The following TMC2 variants were observed in gnomAD, a reference collection of about 807,000 sequenced individuals.
The protein encoded by TMC2 is transmembrane channel like 2, also known as transmembrane channel-like protein 2.
In TMC2, 102 loss-of-function variants were observed where a neutral mutation model predicts 105.9. That is an observed-to-expected ratio of 0.96 (90% confidence interval 0.82 to 1.14). TMC2 has a LOEUF of 1.14. Among genes scored for constraint, TMC2 ranks in the 50% most tolerant of loss-of-function variants. TMC2 has a pLI of 0.00. For missense variants in TMC2, 1,093 were observed against 1,134.3 expected (o/e 0.96, Z 0.52); for synonymous variants, 402 against 422.8 (o/e 0.95, Z 0.60).
chr20:2,638,637 G>A (rs535034354), intron 19 of TMC2, among the ~76,000 whole-genome samples: 120 of 152,208 alleles, frequency 7.9e-4, no homozygotes, highest in African/African-American at 2.9e-3. Flanking sequence ...TGTGGAGGTG[G>A]AAGACAGTGA....
At chr20:2,624,817 GC>G (rs1431133240) in intron 17 of TMC2, among the ~76,000 whole-genome samples, 1 of 152,178 alleles carries the variant, frequency 6.6e-6, no homozygotes, top group African/African-American at 2.4e-5. Context: ...ATTTGGGTGA[GC>G]CCTGACAGTA....
chr20:2,545,887 G>T (rs1473212340), intron 2 of TMC2, among the ~76,000 whole-genome samples: 2 of 128,428 alleles, frequency 1.6e-5, no homozygotes, highest in East Asian at 4.6e-4. Context: ...GAAAAAGAAA[G>T]AAATGAAAGA....
intron 2 of TMC2, among the ~76,000 whole-genome samples, chr20:2,555,529 A>G (rs2085980443): frequency 6.6e-6 from 1 of 152,074 alleles, no homozygotes; most frequent in Non-Finnish European, 1.5e-5. Flanking sequence ...GTCTGTTTAT[A>G]TTTAAAGTGG....
At chr20:2,550,176 C>A (rs1310452717) in intron 2 of TMC2, among the ~76,000 whole-genome samples, 4 of 118,952 alleles carry the variant, frequency 3.4e-5, no homozygotes, top group African/African-American at 1.4e-4. Context: ...CAGAGCCAGA[C>A]TCTGTCTCAA....
At chr20:2,632,960 C>T (rs113218623) in intron 17 of TMC2, among the ~76,000 whole-genome samples, 18,002 of 148,556 alleles carry the variant, frequency 0.12, 1,215 homozygotes, top group Middle Eastern at 0.17. Flanking sequence ...AAATCAGGTT[C>T]GCCTCCCTTC....
chr20:2,561,771 T>C (rs1285616257), intron 3 of TMC2, 87 bp from the exon 4 acceptor site: 3 of 1,483,844 alleles, frequency 2.0e-6, no homozygotes, highest in Admixed American at 2.2e-5. Flanking sequence ...GGTGCCATCT[T>C]CCATGGGCCC....
At chr20:2,615,282 C>T (rs1341195106) in intron 14 of TMC2, among the ~76,000 whole-genome samples, 12 of 152,342 alleles carry the variant, frequency 7.9e-5, no homozygotes, top group African/African-American at 2.4e-4. Context: ...GATTGTGCCA[C>T]TGCACTCCAG....
chr20:2,596,160 G>A (rs1385103466), intron 9 of TMC2, among the ~76,000 whole-genome samples: 1 of 152,156 alleles, frequency 6.6e-6, no homozygotes, highest in Non-Finnish European at 1.5e-5. Context: ...GTATCTTATA[G>A]CACCCCTGTT....
chr20:2,571,869 T>C (rs1416255770), intron 4 of TMC2, among the ~76,000 whole-genome samples: 1 of 152,200 alleles, frequency 6.6e-6, no homozygotes, highest in East Asian at 1.9e-4. Context: ...AAATCAGTAA[T>C]CTTAACTACA....
intron 11 of TMC2, among the ~76,000 whole-genome samples, chr20:2,607,941 A>G (rs1014978208): frequency 3.3e-5 from 5 of 152,148 alleles, no homozygotes; most frequent in Admixed American, 6.5e-5. Flanking sequence ...CCTGGCCAAC[A>G]TGGTGAAACC....
At chr20:2,610,195 A>G (rs2086424828) in intron 11 of TMC2, among the ~76,000 whole-genome samples, 1 of 152,200 alleles carries the variant, frequency 6.6e-6, no homozygotes, top group African/African-American at 2.4e-5. Flanking sequence ...CCATTATAGC[A>G]TCTGGTCACA....
rs145984724 is a variant in TMC2 at position 2,626,557 on chromosome 20, T to C, written c.2306+2161T>C. 1.5e-4 allele frequency among the ~76,000 whole-genome samples: 23 copies of C among 152,374 alleles called. No individual in the cohort carries two copies. The East Asian group carries it at 4.2e-3, about 28-fold the overall frequency. On this transcript the variant is annotated intron_variant, in intron 17 of 19. Transcript: ENST00000358864. Reference sequence around the variant, plus strand: ...AGAGAAAGAAATATAGACTTATCTTTTGATGAGGCAATGACAAGATTCTAG... The same window carrying C: ...AGAGAAAGAAATATAGACTTATCTTCTGATGAGGCAATGACAAGATTCTAG...
chr20:2,574,740 G>GT (rs1396130580), intron 5 of TMC2, among the ~76,000 whole-genome samples: 4 of 151,384 alleles, frequency 2.6e-5, no homozygotes, highest in East Asian at 1.9e-4. Flanking sequence ...TTATTCCTTT[G>GT]TTTTTTTGTT....
Position 2,545,491 on chromosome 20 carries a change from C to T in TMC2, c.82+8175C>T, listed in dbSNP as rs1469359659. ...CTAGTTTGTGAGTAATAGGAGGCTT[C>T]TGTTCCTTATCCAGTATCTGTCACT... On this transcript the variant is annotated intron_variant, in intron 2 of 19. Transcript: ENST00000358864. Among the ~76,000 whole-genome samples, 4 of 152,268 alleles carry T rather than the reference C, an allele frequency of 2.6e-5. No individual in the cohort carries two copies. In the East Asian group the frequency reaches 5.8e-4, roughly 22 times the overall value.
At chr20:2,536,713 G>A (rs891540704) in intron 1 of TMC2, 58 bp downstream of exon 1, 18 of 1,538,396 alleles carry the variant, frequency 1.2e-5, no homozygotes, top group Non-Finnish European at 1.2e-5. Flanking sequence ...GCAGCAGCAG[G>A]GGATGGGGGA....
At position 2,636,009 on chromosome 20, in the gene TMC2, G is replaced by A; in HGVS notation, c.2385+5G>A. On this transcript the variant is annotated splice_donor_5th_base_variant and intron_variant, in intron 18 of 19. Transcript: ENST00000358864. ...CTGAGGAAGAAAATCCAAGTGGTGA[G>A]TCTGTTGGGAGTTTCATCCTGGACG... 1 of 1,613,208 alleles carries A rather than the reference G, an allele frequency of 6.2e-7. No individual in the cohort carries two copies. Among genetic ancestry groups the A allele is most frequent in the Non-Finnish European group, 8.5e-7 (1 of 1,179,160 alleles).
In TMC2 at chr20:2,617,125, T is replaced by C; in HGVS notation, c.1994T>C (p.Leu665Pro). Residue 665 changes from leucine (L) to proline (P), a missense_variant, in exon 16 of 20, where the codon CTG (leucine) becomes CCG (proline). Leu to Pro is a moderately conservative substitution (Grantham distance 98). Coordinates refer to ENST00000358864, the MANE Select transcript of TMC2 (RefSeq NM_080751.3). ...GLVGINVLRLLTSMYFQCWAV... is the reference protein window; with the variant it reads ...GLVGINVLRLPTSMYFQCWAV... ...GTGGGCATTAATGTGCTGCGCCTGC[T>C]GACCTCCATGTACTTCCAGTGCTGG... 6.2e-7 allele frequency: 1 copy of C among 1,614,246 alleles called. No individual in the cohort carries two copies. The highest frequency in any genetic ancestry group is 8.5e-7 in the Non-Finnish European group (1 of 1,180,048).
chr20:2,622,061 G>A (rs765453547), intron 16 of TMC2, among the ~76,000 whole-genome samples: 42 of 152,146 alleles, frequency 2.8e-4, no homozygotes, highest in Non-Finnish European at 4.4e-4. Context: ...ATGAAACATT[G>A]TCATACAGTG....
chr20:2,641,061 G>A lies in TMC2; in HGVS notation c.2504-73G>A, dbSNP rs776611633. 6.8e-4 allele frequency: 905 copies of A among 1,334,948 alleles called. 2 individuals carry two copies. Among genetic ancestry groups the A allele is most frequent in the Middle Eastern group, 1.1e-3 (6 of 5,456 alleles). 82.7% of individuals were successfully genotyped at this position (1,334,948 alleles called of 1,614,324 possible). Reference sequence around the variant, plus strand: ...CTAAAACCTACACACACCGCAGGGCGACTCCAGAGAGCTCCAATCCAACCT... The same window carrying A: ...CTAAAACCTACACACACCGCAGGGCAACTCCAGAGAGCTCCAATCCAACCT... On this transcript the variant is annotated intron_variant, in intron 19 of 19. Coordinates refer to ENST00000358864, the MANE Select transcript of TMC2 (RefSeq NM_080751.3).
Sources: allele counts gnomAD v4.1 joint callset (sites outside exome capture counted in the v4.1 genomes callset), GRCh38; gene constraint gnomAD v4.1.1; transcripts MANE v1.5; gene names NCBI Gene and HGNC (gene_info 2026-07-23, HGNC 2026-07-21).